Variants in MTMR7 observed in about 807,000 individuals in gnomAD.
MTMR7 encodes myotubularin related protein 7.
In MTMR7, 76 loss-of-function variants were observed where a neutral mutation model predicts 81.2. That is an observed-to-expected ratio of 0.94 (90% confidence interval 0.78 to 1.13). MTMR7 has a LOEUF of 1.13. Ranked by LOEUF, MTMR7 falls within the 50% of genes most tolerant of loss-of-function variation. The probability of loss-of-function intolerance (pLI) is 0.00; values close to 1 mark genes in which losing one functional copy is unlikely to be tolerated. For missense variants in MTMR7, 1,044 were observed against 820.0 expected, an observed-to-expected ratio of 1.27 and a Z score of -3.34; for synonymous variants, 372 against 289.8, an observed-to-expected ratio of 1.28 and a Z score of -2.88.
At chr8:17,358,920 G>A (rs1050423279) in intron 4 of MTMR7, among the ~76,000 whole-genome samples, 4 of 152,172 alleles carry the variant, frequency 2.6e-5, no homozygotes, top group Non-Finnish European at 5.9e-5. Flanking sequence ...TTTGAGACAA[G>A]GTTTCATTTT....
At chr8:17,311,745 C>T (rs911230436) in intron 8 of MTMR7, 109 bp from the exon 9 acceptor site, 66 of 1,521,282 alleles carry the variant, frequency 4.3e-5, no homozygotes, top group East Asian at 1.4e-4. Flanking sequence ...ACAGCCAAAA[C>T]GAAACACCTG....
chr8:17,405,151 C>G (rs2150586333), intron 1 of MTMR7, among the ~76,000 whole-genome samples: 1 of 152,320 alleles, frequency 6.6e-6, no homozygotes, highest in South Asian at 2.1e-4. Context: ...TGCGCCCAGC[C>G]TATCAGTTAT....
intron 1 of MTMR7, among the ~76,000 whole-genome samples, chr8:17,391,943 C>G (rs10108203): frequency 0.031 from 4,704 of 152,246 alleles, 255 homozygotes; most frequent in African/African-American, 0.11. Flanking sequence ...GAGGCTTCAA[C>G]TAGCTGTCCA....
chr8:17,323,055 C>A (rs545385518), intron 7 of MTMR7, among the ~76,000 whole-genome samples: 2 of 148,122 alleles, frequency 1.4e-5, no homozygotes, highest in East Asian at 2.1e-4. Flanking sequence ...TCAAGCAATT[C>A]TCCTGCCTCA....
intron 6 of MTMR7, among the ~76,000 whole-genome samples, chr8:17,335,677 A>C (rs1010956135): frequency 6.6e-6 from 1 of 152,198 alleles, no homozygotes; most frequent in African/African-American, 2.4e-5. Flanking sequence ...AAGAAACTTC[A>C]CTTGTGGTGC....
intron 1 of MTMR7, among the ~76,000 whole-genome samples, chr8:17,397,752 A>C (rs184085371): frequency 6.6e-6 from 1 of 152,268 alleles, no homozygotes; most frequent in Non-Finnish European, 1.5e-5. Flanking sequence ...TAGTGGTTAC[A>C]GTGGATCCTG....
At chr8:17,359,479 A>T (rs571230944) in intron 4 of MTMR7, among the ~76,000 whole-genome samples, 22 of 151,774 alleles carry the variant, frequency 1.4e-4, no homozygotes, top group African/African-American at 5.3e-4. Context: ...TGTGCCTGTA[A>T]TCTTAGCTAC....
chr8:17,300,747 C>T (rs1817057285), intron 13 of MTMR7, among the ~76,000 whole-genome samples: 1 of 152,214 alleles, frequency 6.6e-6, no homozygotes, highest in Admixed American at 6.5e-5. Context: ...AAGAAAACCC[C>T]ATACTCATTA....
Position 17,377,360 on chromosome 8 carries a change from T to A in MTMR7, c.25-4120A>T, listed in dbSNP as rs935135321. On this transcript the variant is annotated intron_variant, in intron 1 of 13. Coordinates refer to ENST00000180173, the MANE Select transcript of MTMR7 (RefSeq NM_004686.5). ...CAGATTTTCAAATTTTTACAATCTT[T>A]TAATTCTTATCTGTGGGTAAACCCC... Among the ~76,000 whole-genome samples, 33 of 152,132 alleles carry A rather than the reference T, an allele frequency of 2.2e-4. 1 individual carries two copies. The highest frequency in any genetic ancestry group is 1.0e-4 in the Non-Finnish European group (7 of 67,980).
In MTMR7 at chr8:17,334,369, G is replaced by A. The variant is rs1038071818; in HGVS notation, c.733-3087C>T. On this transcript the variant is annotated intron_variant, in intron 6 of 13. Transcript: ENST00000180173. ...AAATCGCTATTACTACATCAAATAC[G>A]GTCCTCTGTCCCTTTGACTGAGAAC... Among the ~76,000 whole-genome samples the A allele has an allele frequency of 7.2e-5, 11 of 152,094 alleles. 1 individual carries two copies. Among genetic ancestry groups the A allele is most frequent in the Admixed American group, 6.5e-4 (10 of 15,270 alleles).
At chr8:17,313,845 C>G (rs1475376905) in intron 7 of MTMR7, among the ~76,000 whole-genome samples, 2 of 152,182 alleles carry the variant, frequency 1.3e-5, no homozygotes, top group Non-Finnish European at 2.9e-5. Context: ...CAGATTAGGA[C>G]TGTTGTAAAA....
At chr8:17,350,649 C>G (rs1819703343) in intron 4 of MTMR7, among the ~76,000 whole-genome samples, 1 of 152,154 alleles carries the variant, frequency 6.6e-6, no homozygotes, top group South Asian at 2.1e-4. Flanking sequence ...TCCATCTCCA[C>G]CCACCTTTAT....
intron 6 of MTMR7, among the ~76,000 whole-genome samples, chr8:17,332,885 T>C (rs534779063): frequency 1.5e-4 from 23 of 152,240 alleles, no homozygotes; most frequent in Admixed American, 1.4e-3. Context: ...ACGGTACCAA[T>C]TTGGCAGCAA....
intron 1 of MTMR7, among the ~76,000 whole-genome samples, chr8:17,412,475 T>C (rs887124465): frequency 3.9e-5 from 6 of 152,210 alleles, no homozygotes; most frequent in African/African-American, 1.4e-4. Context: ...TGCAGTAACG[T>C]CGATCATCAT....
chr8:17,387,560 T>A (rs1468107937), intron 1 of MTMR7, among the ~76,000 whole-genome samples: 1 of 152,242 alleles, frequency 6.6e-6, no homozygotes, highest in South Asian at 2.1e-4. Flanking sequence ...ATTCTAAGCA[T>A]GTCAGAAGGA....
chr8:17,302,360 A>C, intron 12 of MTMR7, 80 bp from the exon 13 acceptor site: 1 of 1,426,612 alleles, frequency 7.0e-7, no homozygotes, highest in Non-Finnish European at 9.5e-7. Context: ...TAAGGTATCT[A>C]TGATACCACA....
chr8:17,372,798 C>T (rs557851602), intron 2 of MTMR7, among the ~76,000 whole-genome samples: 2 of 152,030 alleles, frequency 1.3e-5, no homozygotes, highest in Non-Finnish European at 2.9e-5. Flanking sequence ...AAATGGAGCA[C>T]TGGAGGATGA....
Position 17,403,971 on chromosome 8 carries a change from T to C in MTMR7, c.24+9298A>G, listed in dbSNP as rs1046374140. Reference sequence around the variant, plus strand: ...TTTGTCAGTTCCAATCTTTTTTTGGTGGAGTCTTTAGGTTTTTCCAAATAT... The same window carrying C: ...TTTGTCAGTTCCAATCTTTTTTTGGCGGAGTCTTTAGGTTTTTCCAAATAT... On this transcript the variant is annotated intron_variant, in intron 1 of 13. Transcript: ENST00000180173. Among the ~76,000 whole-genome samples, 6 of 152,280 alleles carry C rather than the reference T, an allele frequency of 3.9e-5. 1 individual carries two copies. The highest frequency in any genetic ancestry group is 1.4e-4 in the African/African-American group (6 of 41,546).
At chr8:17,355,444 T>C (rs1280294628) in intron 4 of MTMR7, among the ~76,000 whole-genome samples, 5 of 152,140 alleles carry the variant, frequency 3.3e-5, no homozygotes, top group Non-Finnish European at 5.9e-5. Context: ...ATGAATTATG[T>C]CAAAGAACTG....
Sources: allele counts gnomAD v4.1 joint callset (sites outside exome capture counted in the v4.1 genomes callset), GRCh38; gene constraint gnomAD v4.1.1; transcripts MANE v1.5; gene names NCBI Gene and HGNC (gene_info 2026-07-23, HGNC 2026-07-21).